FBN1: variants seen among roughly 807,000 people sequenced by gnomAD.
FBN1 encodes fibrillin 1.
A neutral mutation model predicts 365.1 loss-of-function variants in FBN1; 29 were observed. The observed-to-expected ratio is 0.08, with a 90% confidence interval of 0.06 to 0.11. The LOEUF (loss-of-function observed/expected upper bound fraction) is 0.11. Ranked by LOEUF, FBN1 falls within the 10% of genes least tolerant of loss-of-function variation. The pLI is 1.00. For synonymous variants in FBN1, 1,210 were observed against 1,270.5 expected (o/e 0.95, Z 1.01); for missense variants, 2,476 against 3,703.2 (o/e 0.67, Z 8.60).
intron 35 of FBN1, among the ~76,000 whole-genome samples, chr15:48,471,304 A>C (rs2043375112): frequency 6.6e-6 from 1 of 152,100 alleles, no homozygotes; most frequent in Admixed American, 6.6e-5. Context: ...TGTGCAGTTG[A>C]CACACAGTCA....
At chr15:48,586,577 T>C (rs1228057114) in intron 6 of FBN1, among the ~76,000 whole-genome samples, 2 of 152,180 alleles carry the variant, frequency 1.3e-5, no homozygotes, top group Non-Finnish European at 1.5e-5. Context: ...TTATCGGTAT[T>C]TAATGGGATA....
intron 50 of FBN1, among the ~76,000 whole-genome samples, chr15:48,439,701 T>C (rs1056378100): frequency 1.7e-4 from 26 of 152,060 alleles, no homozygotes; most frequent in African/African-American, 6.0e-4. Context: ...TTTCCTTTAA[T>C]AGCTGACTTC....
At chr15:48,517,374 C>T (rs1219127929) in intron 10 of FBN1, among the ~76,000 whole-genome samples, 1 of 152,042 alleles carries the variant, frequency 6.6e-6, no homozygotes, top group Non-Finnish European at 1.5e-5. Context: ...AATACTGATT[C>T]GTAAAAGAAA....
chr15:48,524,928 G>A (rs1417394946), intron 9 of FBN1, among the ~76,000 whole-genome samples: 1 of 152,164 alleles, frequency 6.6e-6, no homozygotes, highest in Non-Finnish European at 1.5e-5. Context: ...TTTAAAATGT[G>A]AACCATCTGA....
chr15:48,517,117 G>C (rs2043811346), intron 10 of FBN1, among the ~76,000 whole-genome samples: 1 of 152,062 alleles, frequency 6.6e-6, no homozygotes, highest in African/African-American at 2.4e-5. Context: ...CATGGTGATA[G>C]CAGATTTGGT....
intron 4 of FBN1, among the ~76,000 whole-genome samples, chr15:48,603,874 G>A (rs992505160): frequency 4.6e-5 from 7 of 152,160 alleles, no homozygotes; most frequent in Admixed American, 2.0e-4. Context: ...GCAGACAGCC[G>A]TAAAGGGTTT....
intron 24 of FBN1, among the ~76,000 whole-genome samples, chr15:48,491,062 T>C (rs1597566211): frequency 6.6e-6 from 1 of 152,338 alleles, no homozygotes; most frequent in East Asian, 1.9e-4. Flanking sequence ...TTAAGATAAA[T>C]TATTTTTAAG....
At chr15:48,443,812 C>A (rs756443997) in intron 49 of FBN1, among the ~76,000 whole-genome samples, 1 of 152,032 alleles carries the variant, frequency 6.6e-6, no homozygotes, top group Non-Finnish European at 1.5e-5. Flanking sequence ...GAAGGAGGAT[C>A]ATTTGAGGCC....
chr15:48,609,892 C>A (rs927040569), intron 4 of FBN1, among the ~76,000 whole-genome samples: 1 of 152,230 alleles, frequency 6.6e-6, no homozygotes, highest in Non-Finnish European at 1.5e-5. Context: ...TGAGCCTTGA[C>A]ACAGTGAAGT....
chr15:48,621,763 C>T (rs912448377), intron 2 of FBN1, among the ~76,000 whole-genome samples: 4 of 151,312 alleles, frequency 2.6e-5, no homozygotes, highest in Admixed American at 6.6e-5. Flanking sequence ...CTGAGGCAGG[C>T]GGATCACAAG....
chr15:48,578,953 G>A (rs372165781), intron 6 of FBN1, among the ~76,000 whole-genome samples: 2 of 144,418 alleles, frequency 1.4e-5, no homozygotes, highest in Admixed American at 7.1e-5. Flanking sequence ...ACATGTATAC[G>A]TATGTAACTA....
chr15:48,461,261 G>A (rs1424788024), intron 42 of FBN1, among the ~76,000 whole-genome samples: 1 of 152,068 alleles, frequency 6.6e-6, no homozygotes, highest in African/African-American at 2.4e-5. Flanking sequence ...GACTGAATTT[G>A]GTGAATATCC....
chr15:48,521,772 C>G (rs376956382), intron 9 of FBN1, among the ~76,000 whole-genome samples: 2 of 152,198 alleles, frequency 1.3e-5, no homozygotes, highest in East Asian at 1.9e-4. Flanking sequence ...TACCTCTCTT[C>G]AAGTAAACTA....
intron 43 of FBN1, among the ~76,000 whole-genome samples, chr15:48,457,316 T>G (rs904249337): frequency 1.3e-5 from 2 of 152,220 alleles, no homozygotes; most frequent in African/African-American, 4.8e-5. Flanking sequence ...AAGGAAGAAC[T>G]GTCGCAGTAG....
chr15:48,494,384 G>A lies in FBN1; in HGVS notation c.2678-130C>T, dbSNP rs2043586278. On this transcript the variant is annotated intron_variant, in intron 22 of 65. Transcript: ENST00000316623. ...CATGAAGTAGATTGTGTTGCTATAA[G>A]TATGAGATAACAAAATGTTTCTGCG... The A allele has an allele frequency of 4.1e-6, 3 of 729,592 alleles. 1 individual carries two copies. The highest frequency in any genetic ancestry group is 1.7e-5 in the African/African-American group (1 of 57,564). 45.2% of individuals were successfully genotyped at this position (729,592 alleles called of 1,614,324 possible).
intron 6 of FBN1, among the ~76,000 whole-genome samples, chr15:48,570,439 C>G (rs2044297679): frequency 6.6e-6 from 1 of 151,404 alleles, no homozygotes; most frequent in Non-Finnish European, 1.5e-5. Context: ...TTGTTTTGTG[C>G]CTCTGCTACT....
intron 50 of FBN1, among the ~76,000 whole-genome samples, chr15:48,438,287 G>C (rs1424117617): frequency 6.6e-6 from 1 of 152,152 alleles, no homozygotes; most frequent in Non-Finnish European, 1.5e-5. Flanking sequence ...TTCATTGATA[G>C]CTCTGCTTGC....
rs1161040353 is a variant in FBN1 at position 48,537,835 on chromosome 15, G to GA, written c.539-28dup. On this transcript the variant is annotated intron_variant, in intron 6 of 65. Transcript: ENST00000316623. ...TGAAAATAAAGAATAAAAATCTGAT[G>GA]AAAATCCAGAAAAGCAGGAACCATC... 12 of 1,609,312 alleles carry GA rather than the reference G, an allele frequency of 7.5e-6. No individual in the cohort carries two copies. In the Admixed American group the frequency reaches 2.0e-4, roughly 27 times the overall value.
At chr15:48,533,888 A>C (rs949959304) in intron 8 of FBN1, among the ~76,000 whole-genome samples, 192 bp downstream of exon 8, 1 of 152,328 alleles carries the variant, frequency 6.6e-6, no homozygotes, top group Middle Eastern at 3.4e-3. Flanking sequence ...TAAAAGTGGA[A>C]AAAGCTACAG....
Sources: gnomAD v4.1 joint callset for allele counts (sites outside exome capture counted in the v4.1 genomes callset) on GRCh38, gnomAD v4.1.1 for gene constraint, MANE v1.5 for transcripts, NCBI Gene and HGNC (gene_info 2026-07-23, HGNC 2026-07-21) for gene names.